SPMAP2L: variants seen among roughly 807,000 people sequenced by gnomAD.
SPMAP2L encodes the protein sperm microtubule associated protein 2 like.
At chr4:56,552,442 G>A in the SPMAP2L span, 598 of 665,656 alleles carry the variant, frequency 9.0e-4, 2 homozygotes, top group African/African-American at 9.4e-3. Flanking sequence ...ATCAAATACA[G>A]CATTGGTTTT....
At chr4:56,572,847 C>T in the SPMAP2L span, among the ~76,000 whole-genome samples, 1 of 152,056 alleles carries the variant, frequency 6.6e-6, no homozygotes, top group African/African-American at 2.4e-5. Context: ...AAAACCCTGT[C>T]TATACTAAAA....
chr4:56,594,077 G>T, the SPMAP2L span: 18 of 1,609,126 alleles, frequency 1.1e-5, no homozygotes, highest in Non-Finnish European at 1.5e-5. Context: ...TTCTCTTGAT[G>T]AAACAGTCAA....
chr4:56,614,927 G>A, the SPMAP2L span, among the ~76,000 whole-genome samples: 2 of 152,006 alleles, frequency 1.3e-5, no homozygotes, highest in Non-Finnish European at 2.9e-5. Context: ...TCCTTATCAG[G>A]CATTTACACC....
At chr4:56,587,414 T>G in the SPMAP2L span, among the ~76,000 whole-genome samples, 8 of 152,190 alleles carry the variant, frequency 5.3e-5, no homozygotes, top group African/African-American at 1.4e-4. Flanking sequence ...GGTGCACCCA[T>G]CACCCAAGCA....
the SPMAP2L span, among the ~76,000 whole-genome samples, chr4:56,556,145 G>T: frequency 6.6e-6 from 1 of 152,174 alleles, no homozygotes; most frequent in Non-Finnish European, 1.5e-5. Flanking sequence ...ATATCACCCT[G>T]TCTATTTTAG....
the SPMAP2L span, among the ~76,000 whole-genome samples, chr4:56,539,773 A>G: frequency 6.6e-6 from 1 of 152,294 alleles, no homozygotes; most frequent in African/African-American, 2.4e-5. Context: ...AGAGAGTCTC[A>G]TGACCATGCT....
the SPMAP2L span, chr4:56,559,543 G>A: frequency 9.0e-5 from 132 of 1,466,030 alleles, no homozygotes; most frequent in Non-Finnish European, 1.1e-4. Context: ...GTGTTATCAT[G>A]TTACTTTATC....
At chr4:56,575,733 T>G in the SPMAP2L span, 1 of 1,283,072 alleles carries the variant, frequency 7.8e-7, no homozygotes, top group African/African-American at 1.5e-5. Context: ...TGCAATTTCA[T>G]GAGCTAAGAG....
chr4:56,585,368 A>G, the SPMAP2L span, among the ~76,000 whole-genome samples: 2 of 152,090 alleles, frequency 1.3e-5, no homozygotes, highest in Non-Finnish European at 2.9e-5. Flanking sequence ...ATTTTTTAAG[A>G]CAAGGTCCCA....
At chr4:56,609,500 A>C in the SPMAP2L span, among the ~76,000 whole-genome samples, 4 of 152,162 alleles carry the variant, frequency 2.6e-5, no homozygotes, top group Non-Finnish European at 4.4e-5. Context: ...TTCAGTTAAG[A>C]CTTTTGGGGC....
the SPMAP2L span, among the ~76,000 whole-genome samples, chr4:56,598,358 G>C: frequency 6.6e-6 from 1 of 152,314 alleles, no homozygotes; most frequent in Non-Finnish European, 1.5e-5. Context: ...TAGCAAACAA[G>C]TAATTCCCCT....
At chr4:56,592,749 C>A in the SPMAP2L span, among the ~76,000 whole-genome samples, 5 of 151,984 alleles carry the variant, frequency 3.3e-5, no homozygotes, top group African/African-American at 9.7e-5. Flanking sequence ...CTGTGCTGGG[C>A]GCCGTGGGGC....
the SPMAP2L span, chr4:56,584,632 G>GA: frequency 2.7e-6 from 4 of 1,472,862 alleles, no homozygotes; most frequent in Non-Finnish European, 3.7e-6. Flanking sequence ...CCTTGTGGAA[G>GA]AAACAGTTCC....
the SPMAP2L span, among the ~76,000 whole-genome samples, chr4:56,549,223 G>A: frequency 2.6e-5 from 4 of 152,012 alleles, no homozygotes; most frequent in East Asian, 1.9e-4. Flanking sequence ...TCCTGACCTC[G>A]TGATCTGCCC....
the SPMAP2L span, among the ~76,000 whole-genome samples, chr4:56,533,693 A>C: frequency 5.3e-5 from 8 of 151,830 alleles, no homozygotes; most frequent in Non-Finnish European, 1.0e-4. Context: ...CAAATCTGTA[A>C]TCCCAGCACT....
At chr4:56,618,073 G>A in the SPMAP2L span, among the ~76,000 whole-genome samples, 14 of 152,114 alleles carry the variant, frequency 9.2e-5, no homozygotes, top group Non-Finnish European at 1.8e-4. Flanking sequence ...GGGTGGTCTT[G>A]GAAGATGCAA....
chr4:56,615,378 C>T, the SPMAP2L span, among the ~76,000 whole-genome samples: 130 of 152,332 alleles, frequency 8.5e-4, 1 homozygote, highest in African/African-American at 2.6e-3. Flanking sequence ...TAGGTTTCTA[C>T]GCTATGCCCG....
the SPMAP2L span, among the ~76,000 whole-genome samples, chr4:56,549,048 G>C: frequency 0.023 from 3,394 of 150,080 alleles, 127 homozygotes; most frequent in African/African-American, 0.073. Flanking sequence ...GAGTGCAGTG[G>C]CGTGATCTCG....
the SPMAP2L span, among the ~76,000 whole-genome samples, chr4:56,561,658 C>T: frequency 5.0e-4 from 76 of 152,178 alleles, 1 homozygote; most frequent in South Asian, 0.014. Context: ...ATGAAGGATC[C>T]GTCCCCATGA....
Sources: gnomAD v4.1 joint callset for allele counts (sites outside exome capture counted in the v4.1 genomes callset) on GRCh38, gnomAD v4.1.1 for gene constraint, MANE v1.5 for transcripts, NCBI Gene and HGNC (gene_info 2026-07-23, HGNC 2026-07-21) for gene names.